The following DSCAM variants were observed in gnomAD, a reference collection of about 807,000 sequenced individuals.
DSCAM encodes the protein cell adhesion molecule DSCAM.
In DSCAM, 47 loss-of-function variants were observed where a neutral mutation model predicts 217.7. That is an observed-to-expected ratio of 0.22 (90% CI 0.17 to 0.28). The LOEUF (loss-of-function observed/expected upper bound fraction) is 0.28, where lower values mean the gene tolerates loss of function less well. Among genes scored for constraint, DSCAM ranks in the 10% least tolerant of loss-of-function variants. The pLI is 1.00. For missense variants in DSCAM, 2,080 were observed against 2,618.3 expected, an observed-to-expected ratio of 0.79 and a Z score of 4.49; for synonymous variants, 1,056 against 1,015.3, an observed-to-expected ratio of 1.04 and a Z score of -0.76.
chr21:40,377,618 G>A (rs2074976116), intron 3 of DSCAM, among the ~76,000 whole-genome samples: 1 of 151,850 alleles, frequency 6.6e-6, no homozygotes, highest in Non-Finnish European at 1.5e-5. Context: ...AAGTCAAGCT[G>A]CAGACAGGGC....
At chr21:40,559,186 C>A (rs563092100) in intron 3 of DSCAM, among the ~76,000 whole-genome samples, 4 of 125,160 alleles carry the variant, frequency 3.2e-5, no homozygotes, top group African/African-American at 1.1e-4. Flanking sequence ...AGGCCGGGCA[C>A]GGTGGCTCAA....
chr21:40,718,274 C>T (rs1320320602), intron 1 of DSCAM, among the ~76,000 whole-genome samples: 1 of 152,156 alleles, frequency 6.6e-6, no homozygotes, highest in Admixed American at 6.5e-5. Context: ...ACCCTAGAGA[C>T]ATATTTGGCA....
At position 40,039,840 on chromosome 21, in the gene DSCAM, GAAAA is replaced by G. The variant is rs367733042; in HGVS notation, c.5686+2527_5686+2530del. Among the ~76,000 whole-genome samples the G allele has an allele frequency of 8.4e-4, 128 of 152,096 alleles. 1 individual carries two copies. The East Asian group carries it at 0.015, about 18-fold the overall frequency. ...GACAGAAAAAATAAAAAGGGAAAGA[GAAAA>G]AAAGGACCATCAGAAAAGAAGCTCT... is the stretch of plus-strand genomic sequence containing the variant. On this transcript the variant is annotated intron_variant, in intron 32 of 32. Transcript: ENST00000400454.
At chr21:40,746,756 A>T (rs2091179025) in intron 1 of DSCAM, among the ~76,000 whole-genome samples, 1 of 151,964 alleles carries the variant, frequency 6.6e-6, no homozygotes, top group Non-Finnish European at 1.5e-5. Context: ...CACCCAATAG[A>T]TTCAGAATAC....
At position 40,498,189 on chromosome 21, in the gene DSCAM, A is replaced by G. The variant is rs184908349; in HGVS notation, c.509-128944T>C. 2.8e-4 allele frequency among the ~76,000 whole-genome samples: 42 copies of G among 152,292 alleles called. 1 individual carries two copies. The East Asian group carries it at 4.2e-3, about 15-fold the overall frequency. ...CTCCTTCACAATGAGAGTTCAGGAC[A>G]TATCTCATTTTGTTGCCAGGAGGAA... On this transcript the variant is annotated intron_variant, in intron 3 of 32. Transcript: ENST00000400454.
At chr21:40,484,012 A>T (rs1041504428) in intron 3 of DSCAM, among the ~76,000 whole-genome samples, 2 of 152,190 alleles carry the variant, frequency 1.3e-5, no homozygotes, top group African/African-American at 4.8e-5. Context: ...ATAATTACGA[A>T]CTGTTAATTC....
At chr21:40,843,750 T>TAAGGGTTTA (rs1248859682) in intron 1 of DSCAM, among the ~76,000 whole-genome samples, 108 of 151,796 alleles carry the variant, frequency 7.1e-4, no homozygotes, top group African/African-American at 2.5e-3. Context: ...GTCATTCATT[T>TAAGGGTTTA]AAGGGTTTAA....
chr21:40,834,206 A>C (rs2123656042), intron 1 of DSCAM, among the ~76,000 whole-genome samples: 1 of 151,990 alleles, frequency 6.6e-6, no homozygotes, highest in South Asian at 2.1e-4. Flanking sequence ...CAGGAGATCA[A>C]GACCATCCTG....
chr21:40,398,868 G>C (rs2075206966), intron 3 of DSCAM, among the ~76,000 whole-genome samples: 1 of 152,118 alleles, frequency 6.6e-6, no homozygotes, highest in African/African-American at 2.4e-5. Flanking sequence ...GATTACAGGT[G>C]TCAGCCACCG....
chr21:40,013,330 C>A lies in DSCAM; in HGVS notation c.5743G>T (p.Gly1915Cys), dbSNP rs1196763027. 1 of 1,606,586 alleles carries A rather than the reference C, an allele frequency of 6.2e-7. No homozygotes were observed. Among genetic ancestry groups the A allele is most frequent in the East Asian group, 2.2e-5 (1 of 44,676 alleles). ...LRMDFLLNRG[G>C]PGTSRDLSLG... is the part of the protein sequence containing the mutation. ...CTCAGGTCCCTGCTGGTGCCTGGAC[C>A]ACCTCGGTTTAACAAAAAGTCCATT... Residue 1915 changes from glycine (G) to cysteine (C), a missense_variant, in exon 33 of 33, where the codon GGT (glycine) becomes TGT (cysteine). Physicochemically the swap from Gly to Cys is radical, Grantham distance 159. Coordinates refer to ENST00000400454, the MANE Select transcript of DSCAM (RefSeq NM_001389.5).
chr21:40,623,595 G>A (rs2089553725), intron 3 of DSCAM, among the ~76,000 whole-genome samples: 1 of 152,188 alleles, frequency 6.6e-6, no homozygotes, highest in South Asian at 2.1e-4. Flanking sequence ...AAGGCAGGAG[G>A]AAAGCTTCTT....
At chr21:40,225,634 T>C (rs1017924765) in intron 11 of DSCAM, among the ~76,000 whole-genome samples, 2 of 152,138 alleles carry the variant, frequency 1.3e-5, no homozygotes, top group African/African-American at 4.8e-5. Flanking sequence ...CATCCTGAGA[T>C]AGTGCAGACC....
chr21:40,515,329 A>T (rs1601706631), intron 3 of DSCAM, among the ~76,000 whole-genome samples: 1 of 152,314 alleles, frequency 6.6e-6, no homozygotes. Context: ...ACTGTAGCAT[A>T]CCTTCCACTT....
chr21:40,021,205 C>CAAA (rs763435750), intron 32 of DSCAM, among the ~76,000 whole-genome samples: 133 of 84,714 alleles, frequency 1.6e-3, no homozygotes, highest in Non-Finnish European at 2.1e-3. Flanking sequence ...GACTCCGTCT[C>CAAA]AAAAAAAAAA....
chr21:40,263,706 T>G lies in DSCAM; in HGVS notation c.2356+12391A>C, dbSNP rs186814056. On this transcript the variant is annotated intron_variant, in intron 11 of 32. Transcript: ENST00000400454. ...AGCAGAAGAAAAGAAATAACAAAGA[T>G]CAGAGCAGAACTAAATCAAATTGAA... 1.4e-3 allele frequency among the ~76,000 whole-genome samples: 211 copies of G among 151,190 alleles called. 2 individuals are homozygous for G. The highest frequency in any genetic ancestry group is 3.4e-3 in the Middle Eastern group (1 of 292).
intron 3 of DSCAM, among the ~76,000 whole-genome samples, chr21:40,482,898 C>T (rs1369563239): frequency 6.6e-6 from 1 of 152,206 alleles, no homozygotes; most frequent in African/African-American, 2.4e-5. Flanking sequence ...GGTGACAATA[C>T]ACTGAATGCT....
At chr21:40,133,609 A>AC (rs2090176009) in intron 19 of DSCAM, among the ~76,000 whole-genome samples, 2 of 151,474 alleles carry the variant, frequency 1.3e-5, no homozygotes, top group Non-Finnish European at 2.9e-5. Context: ...GCCAAAAAAA[A>AC]CAAAAAACAA....
At chr21:40,152,383 G>T (rs899501798) in intron 16 of DSCAM, among the ~76,000 whole-genome samples, 50 of 152,184 alleles carry the variant, frequency 3.3e-4, no homozygotes, top group Non-Finnish European at 6.8e-4. Flanking sequence ...CTCACACAAA[G>T]ATTGTTTTTC....
chr21:40,632,665 C>A (rs1317880634), intron 3 of DSCAM, among the ~76,000 whole-genome samples: 5 of 152,178 alleles, frequency 3.3e-5, no homozygotes, highest in Admixed American at 3.3e-4. Context: ...ACTGAAATTG[C>A]TTAGTCGGAA....
Sources: allele counts gnomAD v4.1 joint callset (sites outside exome capture counted in the v4.1 genomes callset), GRCh38; gene constraint gnomAD v4.1.1; transcripts MANE v1.5; gene names NCBI Gene and HGNC (gene_info 2026-07-23, HGNC 2026-07-21).